Variants in EBF1 observed in about 807,000 individuals in gnomAD.
The protein encoded by EBF1 is EBF transcription factor 1, also known as transcription factor COE1.
Under a neutral mutation model 68.4 loss-of-function variants are expected in EBF1, and 10 were observed. That is an observed-to-expected ratio of 0.15 (90% confidence interval 0.09 to 0.25). The LOEUF (loss-of-function observed/expected upper bound fraction) is 0.25. Among genes scored for constraint, EBF1 ranks in the 10% least tolerant of loss-of-function variants. The pLI is 1.00. For synonymous variants in EBF1, 298 were observed against 299.8 expected (o/e 0.99, Z 0.06); for missense variants, 509 against 794.4 (o/e 0.64, Z 4.32).
chr5:158,819,527 T>A (rs954943964), intron 8 of EBF1, among the ~76,000 whole-genome samples: 1 of 152,146 alleles, frequency 6.6e-6, no homozygotes, highest in African/African-American at 2.4e-5. Flanking sequence ...GGAACAACAA[T>A]GCCAATAGCA....
intron 4 of EBF1, among the ~76,000 whole-genome samples, chr5:159,095,072 T>C (rs745597848): frequency 2.0e-5 from 3 of 152,102 alleles, no homozygotes; most frequent in Non-Finnish European, 4.4e-5. Context: ...TTTTGCAAAA[T>C]ATCCTCTAAC....
At chr5:158,799,045 T>C (rs1169806190) in intron 8 of EBF1, among the ~76,000 whole-genome samples, 1 of 152,090 alleles carries the variant, frequency 6.6e-6, no homozygotes, top group Non-Finnish European at 1.5e-5. Flanking sequence ...CTGTGACACC[T>C]CCCCACTGAC....
chr5:158,805,388 C>A (rs1457492949), intron 8 of EBF1, among the ~76,000 whole-genome samples: 3 of 152,110 alleles, frequency 2.0e-5, no homozygotes, highest in Non-Finnish European at 4.4e-5. Flanking sequence ...AGGAATCGGC[C>A]TGATAGGATT....
chr5:158,711,428 G>A (rs1759259143), intron 14 of EBF1, among the ~76,000 whole-genome samples: 2 of 152,122 alleles, frequency 1.3e-5, no homozygotes, highest in South Asian at 4.1e-4. Flanking sequence ...CTATCCATGT[G>A]TCCGGCATCA....
At position 158,909,353 on chromosome 5, in the gene EBF1, T is replaced by G. The variant is rs372530084; in HGVS notation, c.555-69243A>C. On this transcript the variant is annotated intron_variant, in intron 6 of 15. Transcript: ENST00000313708. ...TTTGGCTGGTTTGGTTTGGTTTGGT[T>G]TAGAAGACACAGAAACAAATGCCAA... is the stretch of plus-strand genomic sequence containing the variant. 9.2e-5 allele frequency among the ~76,000 whole-genome samples: 14 copies of G among 152,168 alleles called. No individual in the cohort carries two copies. In the South Asian group the frequency reaches 2.3e-3, roughly 25 times the overall value.
chr5:158,762,557 A>G (rs549755821), intron 10 of EBF1, among the ~76,000 whole-genome samples: 7 of 152,270 alleles, frequency 4.6e-5, no homozygotes, highest in African/African-American at 1.7e-4. Flanking sequence ...TGTTTTTGGG[A>G]CGGAGTCTTG....
chr5:158,790,294 T>C (rs779383545), intron 9 of EBF1, among the ~76,000 whole-genome samples: 13 of 152,204 alleles, frequency 8.5e-5, no homozygotes, highest in Non-Finnish European at 1.2e-4. Flanking sequence ...GAAATTTTGT[T>C]CAAAGCCTTG....
intron 10 of EBF1, among the ~76,000 whole-genome samples, chr5:158,755,487 GCA>G (rs1769876865): frequency 6.6e-6 from 1 of 152,118 alleles, no homozygotes; most frequent in Non-Finnish European, 1.5e-5. Flanking sequence ...ACCACACTTT[GCA>G]CATAGTTGAC....
chr5:159,050,072 G>A (rs988903506), intron 6 of EBF1, among the ~76,000 whole-genome samples: 2 of 152,046 alleles, frequency 1.3e-5, no homozygotes, highest in Non-Finnish European at 2.9e-5. Flanking sequence ...TTGGAAGAAG[G>A]CAAGGAGTAT....
intron 6 of EBF1, among the ~76,000 whole-genome samples, chr5:158,869,614 CACA>C (rs1796533263): frequency 7.8e-6 from 1 of 128,888 alleles, no homozygotes; most frequent in African/African-American, 2.8e-5. Flanking sequence ...CACACACACA[CACA>C]CGTTTTGTTG....
intron 11 of EBF1, among the ~76,000 whole-genome samples, chr5:158,729,581 T>G (rs1228950505): frequency 6.6e-6 from 1 of 152,170 alleles, no homozygotes; most frequent in Non-Finnish European, 1.5e-5. Context: ...CCACAGACCA[T>G]CTATACCATG....
intron 6 of EBF1, among the ~76,000 whole-genome samples, chr5:159,069,955 T>G (rs2127930309): frequency 6.6e-6 from 1 of 152,286 alleles, no homozygotes; most frequent in Admixed American, 6.5e-5. Flanking sequence ...ATTGCAAACC[T>G]TTTAAATTCA....
chr5:159,050,239 T>TCTCCTCTCCTCCCTCTCC (rs1773313526), intron 6 of EBF1, among the ~76,000 whole-genome samples: 1 of 149,966 alleles, frequency 6.7e-6, no homozygotes, highest in African/African-American at 2.5e-5. Context: ...TCCCTCTCTC[T>TCTCCTCTCCTCCCTCTCC]CTCCTCTCCT....
intron 9 of EBF1, among the ~76,000 whole-genome samples, chr5:158,794,590 GGTCA>G (rs1444987010): frequency 7.9e-5 from 12 of 152,198 alleles, no homozygotes; most frequent in African/African-American, 2.9e-4. Context: ...CTTCTCAAAG[GGTCA>G]GTAATTTTTA....
chr5:158,879,359 G>A (rs1244012323), intron 6 of EBF1, among the ~76,000 whole-genome samples: 1 of 152,168 alleles, frequency 6.6e-6, no homozygotes, highest in African/African-American at 2.4e-5. Flanking sequence ...AGATGGGTTT[G>A]GCAAAGAGGC....
rs532094868 is a variant in EBF1, at chr5:158,780,568, T to C, written c.910-3029A>G. On this transcript the variant is annotated intron_variant, in intron 9 of 15. Transcript: ENST00000313708. ...TATGTCACTACCATAATTGGAAAAC[T>C]GATATCAACTGCAAAATAAGAAGGT... Among the ~76,000 whole-genome samples, 16 of 152,290 alleles carry C rather than the reference T, an allele frequency of 1.1e-4. No individual in the cohort carries two copies. The South Asian group carries it at 3.3e-3, about 32-fold the overall frequency.
intron 8 of EBF1, among the ~76,000 whole-genome samples, chr5:158,805,098 G>C (rs1317429139): frequency 6.6e-6 from 1 of 151,982 alleles, no homozygotes; most frequent in Non-Finnish European, 1.5e-5. Context: ...GAAAAGTTTG[G>C]GAAATGAAAG....
intron 10 of EBF1, among the ~76,000 whole-genome samples, chr5:158,754,187 G>T (rs1392769450): frequency 6.6e-6 from 1 of 152,070 alleles, no homozygotes; most frequent in Non-Finnish European, 1.5e-5. Context: ...TCTAGCAGAA[G>T]TTCACCATCC....
In EBF1 at chr5:158,997,573, T is replaced by A. The variant is rs567224044; in HGVS notation, c.554+75823A>T. Among the ~76,000 whole-genome samples, 4 of 152,284 alleles carry A rather than the reference T, an allele frequency of 2.6e-5. No homozygotes were observed. The East Asian group carries it at 7.7e-4, about 29-fold the overall frequency. ...CCAAATCCAACTGACTCCCTATAGCTCTTTTCTTCCCATTACTTCTTTCTG... is the reference window on the plus strand; with the variant it reads ...CCAAATCCAACTGACTCCCTATAGCACTTTTCTTCCCATTACTTCTTTCTG... On this transcript the variant is annotated intron_variant, in intron 6 of 15. Coordinates refer to ENST00000313708, the MANE Select transcript of EBF1 (RefSeq NM_024007.5).
Sources: gnomAD v4.1 joint callset for allele counts (sites outside exome capture counted in the v4.1 genomes callset) on GRCh38, gnomAD v4.1.1 for gene constraint, MANE v1.5 for transcripts, NCBI Gene and HGNC (gene_info 2026-07-23, HGNC 2026-07-21) for gene names.